The following WWOX variants were observed in gnomAD, a reference collection of about 807,000 sequenced individuals.
WWOX encodes WW domain-containing oxidoreductase.
A neutral mutation model predicts 46.2 loss-of-function variants in WWOX; 69 were observed. The observed-to-expected ratio is 1.49, with a 90% CI of 1.23 to 1.82. The LOEUF is 1.82. Ranked by LOEUF, WWOX falls within the 40% of genes most tolerant of loss-of-function variation. The pLI, the probability that WWOX is intolerant of heterozygous loss-of-function variation, is 0.00. For missense variants in WWOX, 919 were observed against 542.6 expected (o/e 1.69, Z -6.89); for synonymous variants, 359 against 202.6 (o/e 1.77, Z -6.56).
intron 5 of WWOX, among the ~76,000 whole-genome samples, chr16:78,243,663 C>A (rs1006498638): frequency 6.6e-6 from 1 of 152,184 alleles, no homozygotes; most frequent in African/African-American, 2.4e-5. Context: ...TCTTGTGCCT[C>A]AGCCTCCGGA....
intron 8 of WWOX, among the ~76,000 whole-genome samples, chr16:78,773,128 C>A (rs1245503738): frequency 6.6e-6 from 1 of 152,206 alleles, no homozygotes; most frequent in African/African-American, 2.4e-5. Context: ...TTGTAAGCTT[C>A]ATGAGGGCAG....
At chr16:78,359,739 G>C (rs1408275051) in intron 5 of WWOX, among the ~76,000 whole-genome samples, 1 of 152,024 alleles carries the variant, frequency 6.6e-6, no homozygotes. Context: ...TGATGTGCAT[G>C]AGAAGCCCTG....
chr16:79,071,265 AT>A (rs1021316467), intron 8 of WWOX, among the ~76,000 whole-genome samples: 1 of 152,178 alleles, frequency 6.6e-6, no homozygotes, highest in Non-Finnish European at 1.5e-5. Context: ...TGCTACATAC[AT>A]TTTTGACAAC....
intron 8 of WWOX, among the ~76,000 whole-genome samples, chr16:78,877,947 T>C (rs900259802): frequency 6.6e-6 from 1 of 152,170 alleles, no homozygotes; most frequent in Admixed American, 6.5e-5. Flanking sequence ...CCAGGTCTGT[T>C]CAATTGCAAA....
intron 8 of WWOX, among the ~76,000 whole-genome samples, chr16:78,786,688 G>A (rs910458264): frequency 6.6e-5 from 10 of 152,082 alleles, no homozygotes; most frequent in Non-Finnish European, 1.5e-4. Flanking sequence ...AAGTAACTCT[G>A]TGCCCATAGT....
chr16:78,822,677 A>G (rs1460066135), intron 8 of WWOX, among the ~76,000 whole-genome samples: 1 of 152,216 alleles, frequency 6.6e-6, no homozygotes, highest in Non-Finnish European at 1.5e-5. Context: ...GATGAGAGTT[A>G]CATTGCTGGG....
In WWOX at chr16:78,154,225, C is replaced by T. The variant is rs1006372747; in HGVS notation, c.410-9958C>T. On this transcript the variant is annotated intron_variant, in intron 4 of 8. Coordinates refer to ENST00000566780, the MANE Select transcript of WWOX (RefSeq NM_016373.4). Reference sequence around the variant, plus strand: ...TTTCTAATTTATACCTTGAGCTGCTCGGGATAAGAGGGCACCTCGTCCATT... The same window carrying T: ...TTTCTAATTTATACCTTGAGCTGCTTGGGATAAGAGGGCACCTCGTCCATT... 1.2e-4 allele frequency among the ~76,000 whole-genome samples: 18 copies of T among 152,230 alleles called. 1 individual carries two copies. In the East Asian group the frequency reaches 1.9e-3, roughly 16 times the overall value.
At chr16:78,665,895 G>C (rs949363538) in intron 8 of WWOX, among the ~76,000 whole-genome samples, 2 of 151,990 alleles carry the variant, frequency 1.3e-5, no homozygotes, top group Non-Finnish European at 2.9e-5. Context: ...ATGTTGGCCA[G>C]GCTGGTCTTG....
chr16:78,737,576 C>T (rs1213562475), intron 8 of WWOX, among the ~76,000 whole-genome samples: 1 of 152,234 alleles, frequency 6.6e-6, no homozygotes, highest in East Asian at 1.9e-4. Context: ...GTCTTTTATT[C>T]CTCACCCTAC....
At chr16:79,172,360 T>G (rs2050716086) in intron 8 of WWOX, among the ~76,000 whole-genome samples, 1 of 152,190 alleles carries the variant, frequency 6.6e-6, no homozygotes, top group Admixed American at 6.5e-5. Context: ...ATCCATGATT[T>G]CAGAGCAGGC....
Position 79,054,096 on chromosome 16 carries a change from C to T in WWOX, c.1057-157512C>T, listed in dbSNP as rs377524862. Among the ~76,000 whole-genome samples, 5 of 152,082 alleles carry T rather than the reference C, an allele frequency of 3.3e-5. No individual in the cohort carries two copies. The East Asian group carries it at 9.6e-4, about 29-fold the overall frequency. On this transcript the variant is annotated intron_variant, in intron 8 of 8. Transcript: ENST00000566780. ...AGCCAATAAAAGAAGCTATATTCAG[C>T]ACTGGCTGTATAAGATCTTTAATGT...
At chr16:79,004,787 C>T (rs1307734470) in intron 8 of WWOX, 1 of 152,186 alleles carries the variant, frequency 6.6e-6, no homozygotes, top group East Asian at 1.9e-4. Flanking sequence ...TTAGAGACTC[C>T]ATATACCTCA....
chr16:79,062,504 C>A (rs1394994105), intron 8 of WWOX, among the ~76,000 whole-genome samples: 3 of 152,104 alleles, frequency 2.0e-5, no homozygotes, highest in African/African-American at 7.2e-5. Context: ...GCGATTATCC[C>A]CTGCAGAGGA....
At chr16:78,621,663 G>C (rs548905267) in intron 8 of WWOX, among the ~76,000 whole-genome samples, 1 of 122,736 alleles carries the variant, frequency 8.1e-6, no homozygotes, top group South Asian at 2.6e-4. Context: ...GGAGTGCAGT[G>C]GCACCATCTC....
At chr16:79,113,557 C>G (rs562350794) in intron 8 of WWOX, among the ~76,000 whole-genome samples, 71 of 152,350 alleles carry the variant, frequency 4.7e-4, no homozygotes, top group African/African-American at 1.4e-3. Context: ...ATAGGGCAAA[C>G]TTAGGCTTAC....
chr16:78,907,206 C>T (rs1374903597), intron 8 of WWOX, among the ~76,000 whole-genome samples: 2 of 151,944 alleles, frequency 1.3e-5, no homozygotes, highest in African/African-American at 4.8e-5. Flanking sequence ...TGTGTAAAAC[C>T]CTTGTGCCCT....
At chr16:78,691,917 T>A (rs917346250) in intron 8 of WWOX, among the ~76,000 whole-genome samples, 2 of 152,156 alleles carry the variant, frequency 1.3e-5, no homozygotes, top group African/African-American at 4.8e-5. Context: ...GCCCAGCCTT[T>A]CCCATGCTAT....
chr16:78,481,668 G>A (rs1476524549), intron 8 of WWOX, among the ~76,000 whole-genome samples: 2 of 149,230 alleles, frequency 1.3e-5, no homozygotes, highest in Non-Finnish European at 3.0e-5. Context: ...CAACAATTTG[G>A]CTGTATTTGC....
intron 8 of WWOX, among the ~76,000 whole-genome samples, chr16:79,121,991 C>T (rs147383670): frequency 6.6e-6 from 1 of 152,148 alleles, no homozygotes; most frequent in Non-Finnish European, 1.5e-5. Flanking sequence ...TCAGGCTCCT[C>T]TAGGTACAAT....
Sources: allele counts gnomAD v4.1 joint callset (sites outside exome capture counted in the v4.1 genomes callset), GRCh38; gene constraint gnomAD v4.1.1; transcripts MANE v1.5; gene names NCBI Gene and HGNC (gene_info 2026-07-23, HGNC 2026-07-21).